The following NFXL1 variants were observed in gnomAD, a reference collection of about 807,000 sequenced individuals.
NFXL1 encodes the protein nuclear transcription factor, X-box binding like 1.
A neutral mutation model predicts 123.3 loss-of-function variants in NFXL1; 66 were observed. The observed-to-expected ratio is 0.54, with a 90% CI of 0.44 to 0.66. The LOEUF (loss-of-function observed/expected upper bound fraction) is 0.66. Among genes scored for constraint, NFXL1 ranks in the 30% least tolerant of loss-of-function variants. The pLI is 0.00. For synonymous variants in NFXL1, 346 were observed against 360.8 expected (o/e 0.96, Z 0.46); for missense variants, 944 against 1,125.6 (o/e 0.84, Z 2.31).
chr4:47,866,265 G>A (rs1735067919), intron 18 of NFXL1, among the ~76,000 whole-genome samples: 1 of 152,104 alleles, frequency 6.6e-6, no homozygotes, highest in South Asian at 2.1e-4. Context: ...GGCAAAAGAA[G>A]GGAAATTTAG....
At chr4:47,892,561 C>T (rs1032491396) in intron 11 of NFXL1, among the ~76,000 whole-genome samples, 4 of 152,200 alleles carry the variant, frequency 2.6e-5, no homozygotes, top group African/African-American at 9.7e-5. Flanking sequence ...GTGTTCCTTA[C>T]AGCCAGAATA....
In NFXL1 at chr4:47,899,058, T is replaced by C. The variant is rs1464012626; in HGVS notation, c.889A>G (p.Ile297Val). The C allele has an allele frequency of 8.1e-6, 13 of 1,611,290 alleles. No homozygotes were observed. The highest frequency in any genetic ancestry group is 1.1e-5 in the Non-Finnish European group (13 of 1,179,792). ...TTCYCKKAKPIPRRCSAKEWS... is the reference protein window; with the variant it reads ...TTCYCKKAKPVPRRCSAKEWS... ...TCCTTGGCACTGCACCTACGAGGGA[T>C]AGGTTTTGCTTTCTTACAGTAACAA... Residue 297 changes from isoleucine to valine, a missense_variant, in exon 7 of 23, where the codon ATC becomes GTC. Ile to Val is a conservative substitution (Grantham distance 29). Coordinates refer to ENST00000507489, the MANE Select transcript of NFXL1 (RefSeq NM_001278624.2).
chr4:47,914,474 A>G lies in NFXL1; in HGVS notation c.-112T>C, dbSNP rs1232121457. The G allele has an allele frequency of 5.2e-6, 2 of 387,570 alleles. No homozygotes were observed. Among genetic ancestry groups the G allele is most frequent in the Non-Finnish European group, 9.3e-6 (2 of 216,028 alleles). The allele number at this position is 387,570 out of a possible 1,614,324, so 24.0% of individuals were successfully genotyped here. A position where few individuals can be genotyped will look rare whatever the true frequency, so the allele number is the denominator to read the frequency against. On this transcript the variant is annotated 5_prime_UTR_variant, in exon 1 of 23. Coordinates refer to ENST00000507489, the MANE Select transcript of NFXL1 (RefSeq NM_001278624.2). ...GCAAGAAGCACACAGTGCCGAAGAC[A>G]GAAAGCCGGAGGAGAAGTCGAAACC... is the stretch of plus-strand genomic sequence containing the variant.
intron 20 of NFXL1, among the ~76,000 whole-genome samples, chr4:47,854,295 T>C (rs756473646): frequency 4.6e-5 from 7 of 150,928 alleles, no homozygotes; most frequent in Non-Finnish European, 1.0e-4. Flanking sequence ...GGAATGACAA[T>C]AGGAATATGA....
At chr4:47,913,871 A>G in intron 2 of NFXL1, 98 bp downstream of exon 2, 1 of 774,024 alleles carries the variant, frequency 1.3e-6, no homozygotes, top group Non-Finnish European at 2.0e-6. Context: ...AACGAGGGGA[A>G]AAGCAGTGAA....
intron 11 of NFXL1, among the ~76,000 whole-genome samples, chr4:47,893,832 T>C (rs1736918533): frequency 6.6e-6 from 1 of 152,026 alleles, no homozygotes; most frequent in South Asian, 2.1e-4. Flanking sequence ...AGATAACTGA[T>C]TATTTAAAGC....
intron 3 of NFXL1, among the ~76,000 whole-genome samples, chr4:47,907,009 G>C (rs900159747): frequency 1.3e-5 from 2 of 152,190 alleles, no homozygotes; most frequent in African/African-American, 4.8e-5. Flanking sequence ...ATGTGTCTCA[G>C]TTTTGTCATC....
At chr4:47,914,276 C>T in intron 1 of NFXL1, 71 bp from the exon 2 acceptor site, 1 of 1,232,312 alleles carries the variant, frequency 8.1e-7, no homozygotes, top group South Asian at 1.6e-5. Context: ...GAAGGAGGGT[C>T]AGTGCGGAAA....
At chr4:47,859,960 T>C (rs529381938) in intron 19 of NFXL1, among the ~76,000 whole-genome samples, 1 of 149,858 alleles carries the variant, frequency 6.7e-6, no homozygotes, top group African/African-American at 2.5e-5. Flanking sequence ...AAGAGCAGAA[T>C]GGTAGTTGCC....
intron 9 of NFXL1, 72 bp from the exon 10 acceptor site, chr4:47,896,719 T>A: frequency 1.9e-6 from 2 of 1,047,460 alleles, no homozygotes; most frequent in African/African-American, 3.1e-5. Flanking sequence ...GCCATGTTCT[T>A]CAGGCTCCCT....
Position 47,847,329 on chromosome 4 carries a change from C to T in NFXL1, c.*834G>A, listed in dbSNP as rs145766903. On this transcript the variant is annotated 3_prime_UTR_variant, in exon 23 of 23. Coordinates refer to ENST00000507489, the MANE Select transcript of NFXL1 (RefSeq NM_001278624.2). ...GGAATTATAATTCAAACAGATTTGACTTACTGATATTTCTCTATTTGTTTT... is the reference window on the plus strand; with the variant it reads ...GGAATTATAATTCAAACAGATTTGATTTACTGATATTTCTCTATTTGTTTT... 6.6e-6 allele frequency: 1 copy of T among 152,186 alleles called. No homozygotes were observed. Among genetic ancestry groups the T allele is most frequent in the East Asian group, 1.9e-4 (1 of 5,186 alleles). The allele number at this position is 152,186 out of a possible 1,614,324, so 9.4% of individuals were successfully genotyped here. A position where few individuals can be genotyped will look rare whatever the true frequency, so the allele number is the denominator to read the frequency against.
chr4:47,893,444 A>C (rs534217642), intron 11 of NFXL1, among the ~76,000 whole-genome samples: 109 of 152,264 alleles, frequency 7.2e-4, no homozygotes, highest in African/African-American at 2.5e-3. Context: ...GATCTTAATA[A>C]CCAGACAGAA....
Position 47,863,092 on chromosome 4 carries a change from C to T in NFXL1, c.2247-177G>A, listed in dbSNP as rs180957928. Among the ~76,000 whole-genome samples, 41 of 152,292 alleles carry T rather than the reference C, an allele frequency of 2.7e-4. 1 individual carries two copies. Among genetic ancestry groups the T allele is most frequent in the African/African-American group, 8.4e-4 (35 of 41,546 alleles). ...TCAAATTACTCAACTGTTCTGATAA[C>T]TCAAACCATCCAGCCCTTTACTACT... is the stretch of plus-strand genomic sequence containing the variant. On this transcript the variant is annotated intron_variant, in intron 18 of 22. Transcript: ENST00000507489.
At chr4:47,890,868 A>G (rs1022201402) in intron 11 of NFXL1, among the ~76,000 whole-genome samples, 165 bp from the exon 12 acceptor site, 1 of 152,210 alleles carries the variant, frequency 6.6e-6, no homozygotes, top group East Asian at 1.9e-4. Flanking sequence ...TACTTCACTA[A>G]GAACTTATGA....
At chr4:47,891,435 C>T (rs982825182) in intron 11 of NFXL1, among the ~76,000 whole-genome samples, 1 of 152,108 alleles carries the variant, frequency 6.6e-6, no homozygotes, top group African/African-American at 2.4e-5. Context: ...ATTTTCAAAC[C>T]ATAGATTAAG....
intron 15 of NFXL1, among the ~76,000 whole-genome samples, chr4:47,883,604 T>C (rs1736244533): frequency 6.6e-6 from 1 of 152,218 alleles, no homozygotes; most frequent in Non-Finnish European, 1.5e-5. Flanking sequence ...CCAACTTGAC[T>C]GTGTGACCAA....
intron 18 of NFXL1, among the ~76,000 whole-genome samples, chr4:47,871,364 A>C (rs1455589577): frequency 1.3e-5 from 2 of 151,148 alleles, no homozygotes; most frequent in African/African-American, 4.9e-5. Context: ...AAAAAAAAAA[A>C]CAAAAACAAA....
At chr4:47,859,862 AAAAAAAAACAAAC>A (rs1734642795) in intron 19 of NFXL1, among the ~76,000 whole-genome samples, 1 of 97,400 alleles carries the variant, frequency 1.0e-5, no homozygotes, top group Admixed American at 1.4e-4. Context: ...AAAAAAAAAA[AAAAAAAAACAAAC>A]AAACAAAAAA....
Position 47,914,062 on chromosome 4 carries a change from C to G in NFXL1, c.142G>C (p.Gly48Arg). 19 of 1,549,676 alleles carry G rather than the reference C, an allele frequency of 1.2e-5. No individual in the cohort carries two copies. The highest frequency in any genetic ancestry group is 1.7e-5 in the Non-Finnish European group (19 of 1,147,002). ...EKGSVGAVPS[G>R]TSPGGVATTA... The stretch of plus-strand genomic sequence containing the variant: ...GTCGCGACTCCTCCGGGACTGGTGC[C>G]AGAAGGAACTGCGCCCACCGACCCC... The change falls in exon 2 of 23, where the codon GGC becomes CGC. Residue 48 changes from glycine to arginine, a missense_variant. Physicochemically the swap from Gly to Arg is moderately radical, Grantham distance 125. This residue lies in a region of NFXL1 where 303 missense variants were observed against 292.1 expected (regional missense o/e 1.04). Coordinates refer to ENST00000507489, the MANE Select transcript of NFXL1 (RefSeq NM_001278624.2).
Sources: gnomAD v4.1 joint callset for allele counts (sites outside exome capture counted in the v4.1 genomes callset) on GRCh38, gnomAD v4.1.1 for gene constraint, gnomAD v4.1.1 regional missense constraint, MANE v1.5 for transcripts, NCBI Gene and HGNC (gene_info 2026-07-23, HGNC 2026-07-21) for gene names.